PTP4A2: variants seen among roughly 807,000 people sequenced by gnomAD.
PTP4A2 encodes protein tyrosine phosphatase 4A2.
Under a neutral mutation model 22.9 loss-of-function variants are expected in PTP4A2, and 2 were observed. The observed-to-expected ratio is 0.09, with a 90% CI of 0.04 to 0.27. The LOEUF (loss-of-function observed/expected upper bound fraction) is 0.27. Among genes scored for constraint, PTP4A2 ranks in the 10% least tolerant of loss-of-function variants. The pLI is 1.00. For missense variants in PTP4A2, 103 were observed against 205.1 expected, an observed-to-expected ratio of 0.50 and a Z score of 3.04; for synonymous variants, 68 against 69.1, an observed-to-expected ratio of 0.98 and a Z score of 0.08.
chr1:31,918,128 A>G (rs1259601833), intron 2 of PTP4A2, among the ~76,000 whole-genome samples: 2 of 151,848 alleles, frequency 1.3e-5, no homozygotes, highest in Non-Finnish European at 2.9e-5. Flanking sequence ...AGGTGCCTGT[A>G]GTCCCAGCTA....
rs200368265 is a variant in PTP4A2, at chr1:31,922,586, G to GTTTCTTTCTTTC, written c.-593-2940_-593-2929dup. Among the ~76,000 whole-genome samples the GTTTCTTTCTTTC allele has an allele frequency of 3.1e-3, 446 of 146,110 alleles. 2 individuals are homozygous for GTTTCTTTCTTTC. Among genetic ancestry groups the GTTTCTTTCTTTC allele is most frequent in the East Asian group, 9.3e-3 (46 of 4,922 alleles). ...AGCTTAAGAACAAAAACCCAGGTTT[G>GTTTCTTTCTTTC]TTTCTTTCTTTCTTTCTTTCTTTCT... On this transcript the variant is annotated intron_variant, in intron 1 of 5. Coordinates refer to ENST00000647444, the MANE Select transcript of PTP4A2 (RefSeq NM_080391.4).
intron 1 of PTP4A2, among the ~76,000 whole-genome samples, chr1:31,924,597 GTCTC>G (rs988691278): frequency 6.6e-5 from 10 of 152,164 alleles, no homozygotes; most frequent in Non-Finnish European, 1.0e-4. Context: ...TCCTAAAGTT[GTCTC>G]TCTGACATTA....
chr1:31,914,268 TGTTGCCCCACTA>T (rs1368256075), intron 3 of PTP4A2: 1 of 455,782 alleles, frequency 2.2e-6, no homozygotes, highest in Non-Finnish European at 4.4e-6. Context: ...GGTTTCACCA[TGTTGCCCCACTA>T]GTCTTGGAAC....
chr1:31,930,065 G>A (rs929596574), intron 1 of PTP4A2, among the ~76,000 whole-genome samples: 4 of 152,202 alleles, frequency 2.6e-5, no homozygotes, highest in Admixed American at 6.5e-5. Context: ...CGGGCCGGGC[G>A]TGGTGGCTCA....
chr1:31,922,586 GTTTCTTTCTTTCTTTCTTTCTTTCTTTC>G (rs200368265), intron 1 of PTP4A2, among the ~76,000 whole-genome samples: 23 of 146,114 alleles, frequency 1.6e-4, no homozygotes, highest in South Asian at 4.4e-4. Context: ...ACCCAGGTTT[GTTTCTTTCTTTCTTTCTTTCTTTCTTTC>G]TTTCTTTCTT....
chr1:31,921,589 G>C (rs1349455440), intron 1 of PTP4A2: 2 of 152,174 alleles, frequency 1.3e-5, no homozygotes, highest in African/African-American at 4.8e-5. Flanking sequence ...CTCAGTCAGA[G>C]AACATCAACA....
Position 31,926,149 on chromosome 1 carries a change from A to AAAT in PTP4A2, c.-593-6492_-593-6491insATT, listed in dbSNP as rs59088489. Among the ~76,000 whole-genome samples the AAAT allele has an allele frequency of 4.3e-3, 563 of 131,316 alleles. 8 individuals are homozygous for AAAT. The highest frequency in any genetic ancestry group is 0.013 in the African/African-American group (463 of 35,184). 86.1% of individuals were successfully genotyped at this position (131,316 alleles called of 152,430 possible). On this transcript the variant is annotated intron_variant, in intron 1 of 5. Coordinates refer to ENST00000647444, the MANE Select transcript of PTP4A2 (RefSeq NM_080391.4). ...TTTCAAAAAATTAAAAAAAAAAAAA[A>AAAT]ATATATATATATATATATATTTATC...
intron 1 of PTP4A2, among the ~76,000 whole-genome samples, chr1:31,931,710 A>G (rs941952771): frequency 1.3e-5 from 2 of 152,228 alleles, no homozygotes; most frequent in African/African-American, 2.4e-5. Flanking sequence ...AGAAAGACCC[A>G]ATTTGCATAA....
At chr1:31,928,277 T>C (rs1189104232) in intron 1 of PTP4A2, among the ~76,000 whole-genome samples, 1 of 149,168 alleles carries the variant, frequency 6.7e-6, no homozygotes, top group Non-Finnish European at 1.5e-5. Context: ...TTAATATTAA[T>C]ATCCCTCCTT....
intron 3 of PTP4A2, among the ~76,000 whole-genome samples, chr1:31,913,577 T>TTA (rs1234234743): frequency 6.7e-6 from 1 of 148,372 alleles, no homozygotes; most frequent in East Asian, 1.9e-4. Context: ...ACAACATCTA[T>TTA]TTTTTTTTTT....
intron 1 of PTP4A2, among the ~76,000 whole-genome samples, chr1:31,929,630 T>G (rs1652632904): frequency 6.6e-6 from 1 of 152,230 alleles, no homozygotes; most frequent in East Asian, 1.9e-4. Context: ...TTTGTTTTAT[T>G]TCCTCCTCCC....
rs887613910 is a variant in PTP4A2 at position 31,926,032 on chromosome 1, G to A, written c.-593-6374C>T. On this transcript the variant is annotated intron_variant, in intron 1 of 5. Transcript: ENST00000647444. ...TAATCCCAGCTACTCGGGAGGCTGA[G>A]GCAAGAGAATCGCTTCAACCCAGGA... Among the ~76,000 whole-genome samples, 5 of 149,910 alleles carry A rather than the reference G, an allele frequency of 3.3e-5. No homozygotes were observed. In the East Asian group the frequency reaches 9.7e-4, roughly 29 times the overall value.
chr1:31,922,376 G>A (rs1353032385), intron 1 of PTP4A2, among the ~76,000 whole-genome samples: 13 of 152,102 alleles, frequency 8.5e-5, no homozygotes, highest in African/African-American at 2.7e-4. Flanking sequence ...CCACCTACTC[G>A]GGAGGCTGAG....
At chr1:31,930,155 G>A (rs950767561) in intron 1 of PTP4A2, among the ~76,000 whole-genome samples, 36 of 152,208 alleles carry the variant, frequency 2.4e-4, no homozygotes, top group Non-Finnish European at 3.4e-4. Flanking sequence ...TGGCTAACAC[G>A]GTGAAACCCC....
At chr1:31,920,731 C>T (rs553801965) in intron 1 of PTP4A2, among the ~76,000 whole-genome samples, 4 of 151,780 alleles carry the variant, frequency 2.6e-5, no homozygotes, top group Admixed American at 2.6e-4. Flanking sequence ...AGAGACGGGG[C>T]TTCACCACGT....
intron 3 of PTP4A2, chr1:31,915,670 G>A: frequency 3.0e-6 from 1 of 329,284 alleles, no homozygotes; most frequent in South Asian, 1.0e-4. Flanking sequence ...AACCCAAGTA[G>A]CTGGGACCAC....
intron 5 of PTP4A2, 69 bp downstream of exon 5, chr1:31,909,969 C>T (rs550698067): frequency 2.1e-4 from 281 of 1,361,472 alleles, no homozygotes; most frequent in Non-Finnish European, 2.4e-4. Flanking sequence ...ATGAATATCC[C>T]TTCCATAATT....
Position 31,938,220 on chromosome 1 carries a change from T to C in PTP4A2, c.-827A>G. 1 of 152,916 alleles carries C rather than the reference T, an allele frequency of 6.5e-6. No homozygotes were observed. The highest frequency in any genetic ancestry group is 1.4e-5 in the Non-Finnish European group (1 of 70,152). 9.5% of individuals were successfully genotyped at this position (152,916 alleles called of 1,614,324 possible). ...CTGCGGCCGCCGCTGCGTCTCCTGC[T>C]GCCGCCGCTGCCTCCGCTGCCGCCG... On this transcript the variant is annotated 5_prime_UTR_variant, in exon 1 of 6. Transcript: ENST00000647444. This position sits in a 1 kb window ranked among gnomAD's most constrained non-coding sequence, Gnocchi z 4.4.
intron 1 of PTP4A2, among the ~76,000 whole-genome samples, chr1:31,928,474 C>T (rs201420616): frequency 1.3e-5 from 2 of 151,360 alleles, no homozygotes; most frequent in Non-Finnish European, 2.9e-5. Flanking sequence ...CCAAGATGGG[C>T]GGATCACCTG....
Sources: gnomAD v4.1 joint callset for allele counts (sites outside exome capture counted in the v4.1 genomes callset) on GRCh38, gnomAD v4.1.1 for gene constraint, Gnocchi (gnomAD v3.1) non-coding constraint, MANE v1.5 for transcripts, NCBI Gene and HGNC (gene_info 2026-07-23, HGNC 2026-07-21) for gene names.